TTC28: variants seen among roughly 807,000 people sequenced by gnomAD.
TTC28 encodes tetratricopeptide repeat domain 28.
Under a neutral mutation model 198.0 loss-of-function variants are expected in TTC28, and 61 were observed. The ratio of observed to expected loss-of-function variants is 0.31; its 90% CI spans 0.25 to 0.38. The LOEUF (loss-of-function observed/expected upper bound fraction) is 0.38. Ranked by LOEUF, TTC28 falls within the 10% of genes least tolerant of loss-of-function variation. The pLI is 1.00. For missense variants in TTC28, 2,678 were observed against 3,164.0 expected, an observed-to-expected ratio of 0.85 and a Z score of 3.69; for synonymous variants, 1,171 against 1,297.8, an observed-to-expected ratio of 0.90 and a Z score of 2.10.
Position 28,096,398 on chromosome 22 carries a change from A to C in TTC28, c.3558T>G (p.Asp1186Glu). Reference protein sequence around the residue: ...QRVLVSLGHHDEALAVAERGR... With the variant: ...QRVLVSLGHHEEALAVAERGR... ...CCCTTTCTGCCACAGCCAGGGCTTC[A>C]TCATGATGGCCTAGGAGACAAAGAG... The change falls in exon 11 of 23, where the codon GAT becomes GAG. Residue 1186 changes from aspartate (D) to glutamate (E), a missense_variant. Coordinates refer to ENST00000397906, the MANE Select transcript of TTC28 (RefSeq NM_001145418.2). The C allele has an allele frequency of 6.4e-7, 1 of 1,551,260 alleles. No homozygotes were observed. The highest frequency in any genetic ancestry group is 8.7e-7 in the Non-Finnish European group (1 of 1,147,024).
At chr22:28,238,371 A>G (rs568753544) in intron 5 of TTC28, among the ~76,000 whole-genome samples, 7 of 152,264 alleles carry the variant, frequency 4.6e-5, no homozygotes, top group Admixed American at 3.9e-4. Context: ...AAGCCCATCC[A>G]GTCATTTTTC....
chr22:28,133,033 G>A (rs1308115924), intron 6 of TTC28, among the ~76,000 whole-genome samples: 4 of 152,188 alleles, frequency 2.6e-5, no homozygotes. Context: ...AGACCACCTG[G>A]CCAACATGGT....
intron 15 of TTC28, 123 bp from the exon 16 acceptor site, chr22:27,999,383 C>T: frequency 1.5e-6 from 2 of 1,354,690 alleles, no homozygotes; most frequent in Admixed American, 2.9e-5. Context: ...CACCTGTTTC[C>T]CCAGTCACCA....
rs11362041 is a variant in TTC28, at chr22:28,043,242, C to CAAAAAAAAAAAAAAAAAAAAAA, written c.3933-12898_3933-12877dup. Among the ~76,000 whole-genome samples the CAAAAAAAAAAAAAAAAAAAAAA allele has an allele frequency of 2.9e-4, 19 of 65,568 alleles. 1 individual carries two copies. Among genetic ancestry groups the CAAAAAAAAAAAAAAAAAAAAAA allele is most frequent in the Non-Finnish European group, 3.7e-4 (13 of 35,432 alleles). The allele number at this position is 65,568 out of a possible 152,430, so 43.0% of individuals were successfully genotyped here. A position where few individuals can be genotyped will look rare whatever the true frequency, so the allele number is the denominator to read the frequency against. On this transcript the variant is annotated intron_variant, in intron 12 of 22. Transcript: ENST00000397906. ...TGCATAACAGAGTAAGACTCCATCT[C>CAAAAAAAAAAAAAAAAAAAAAA]AAAAAAAAAAAAAAAAAAAAAAAAA...
intron 12 of TTC28, among the ~76,000 whole-genome samples, chr22:28,088,181 C>G (rs1469130599): frequency 6.6e-6 from 1 of 152,160 alleles, no homozygotes; most frequent in Non-Finnish European, 1.5e-5. Context: ...TCATATGGCA[C>G]CAAAAAAGAG....
At chr22:28,339,147 CCT>C (rs1244868877) in intron 2 of TTC28, among the ~76,000 whole-genome samples, 1 of 152,126 alleles carries the variant, frequency 6.6e-6, no homozygotes, top group East Asian at 1.9e-4. Flanking sequence ...CACTCCAGGC[CCT>C]GTTTGCCTGG....
chr22:28,616,553 T>C (rs898318339), intron 2 of TTC28, among the ~76,000 whole-genome samples: 2 of 152,192 alleles, frequency 1.3e-5, no homozygotes, highest in African/African-American at 2.4e-5. Flanking sequence ...TACCTGATGA[T>C]AGAATTCTGT....
intron 2 of TTC28, among the ~76,000 whole-genome samples, chr22:28,533,391 A>G (rs1245607385): frequency 2.6e-5 from 4 of 152,084 alleles, no homozygotes; most frequent in African/African-American, 4.8e-5. Flanking sequence ...ACAAATGACC[A>G]CTCAATGAAA....
chr22:28,001,332 G>A (rs779974826), intron 15 of TTC28, 42 bp downstream of exon 15: 22 of 1,525,054 alleles, frequency 1.4e-5, no homozygotes, highest in South Asian at 9.6e-5. Flanking sequence ...CTCGTGACCC[G>A]AAAACAAGCC....
Position 28,280,322 on chromosome 22 carries a change from T to TA in TTC28, c.933+15875dup, listed in dbSNP as rs928705960. Among the ~76,000 whole-genome samples, 43 of 149,164 alleles carry TA rather than the reference T, an allele frequency of 2.9e-4. No homozygotes were observed. In the South Asian group the frequency reaches 4.5e-3, roughly 16 times the overall value. ...TTTAAAAAATTAAAAAAGAAAAAAG[T>TA]AAAAAAAAAAATTTTTTTTTTGAGA... On this transcript the variant is annotated intron_variant, in intron 5 of 22. Transcript: ENST00000397906.
chr22:28,105,209 G>C (rs1268984137), intron 8 of TTC28, 70 bp downstream of exon 8: 1 of 1,479,884 alleles, frequency 6.8e-7, no homozygotes, highest in African/African-American at 1.4e-5. Flanking sequence ...ACTTCCCTCT[G>C]AGTCTTGAGT....
chr22:28,209,635 C>T (rs1926732146), intron 5 of TTC28, among the ~76,000 whole-genome samples: 1 of 152,160 alleles, frequency 6.6e-6, no homozygotes, highest in South Asian at 2.1e-4. Flanking sequence ...ACAAAGCTGC[C>T]CAGAAGCTCG....
At chr22:28,430,197 A>G (rs2146199587) in intron 2 of TTC28, among the ~76,000 whole-genome samples, 1 of 152,272 alleles carries the variant, frequency 6.6e-6, no homozygotes, top group African/African-American at 2.4e-5. Context: ...TTCACACGCT[A>G]TGAGTAGAGC....
At chr22:27,996,353 C>T in intron 16 of TTC28, 94 bp from the exon 17 acceptor site, 5 of 1,486,126 alleles carry the variant, frequency 3.4e-6, no homozygotes, top group Non-Finnish European at 3.6e-6. Context: ...CGAGGTTAAC[C>T]CAGCAGAAAG....
At chr22:28,491,278 G>A (rs963658006) in intron 2 of TTC28, among the ~76,000 whole-genome samples, 2 of 152,150 alleles carry the variant, frequency 1.3e-5, no homozygotes, top group African/African-American at 4.8e-5. Context: ...TTAAACTAAA[G>A]AGCTTCTGCA....
intron 2 of TTC28, among the ~76,000 whole-genome samples, chr22:28,383,781 T>C (rs77128842): frequency 0.016 from 2,457 of 152,334 alleles, 87 homozygotes; most frequent in African/African-American, 0.057. Context: ...CCAATTGGAA[T>C]TGGCCTCATG....
intron 5 of TTC28, among the ~76,000 whole-genome samples, chr22:28,184,450 T>C (rs1381858599): frequency 6.6e-6 from 1 of 152,164 alleles, no homozygotes; most frequent in Non-Finnish European, 1.5e-5. Context: ...TGCAAGCGCA[T>C]AAATATTCCT....
chr22:28,496,014 T>C (rs939911284), intron 2 of TTC28, among the ~76,000 whole-genome samples: 1 of 152,170 alleles, frequency 6.6e-6, no homozygotes, highest in Non-Finnish European at 1.5e-5. Context: ...AGCAGCATCT[T>C]ATAGGCTCAT....
intron 2 of TTC28, among the ~76,000 whole-genome samples, chr22:28,573,121 C>CAA (rs34470620): frequency 2.2e-4 from 17 of 78,602 alleles, no homozygotes; most frequent in African/African-American, 3.2e-4. Context: ...GACCATGTCT[C>CAA]AAAAAAAAAA....
Sources: allele counts gnomAD v4.1 joint callset (sites outside exome capture counted in the v4.1 genomes callset), GRCh38; gene constraint gnomAD v4.1.1; transcripts MANE v1.5; gene names NCBI Gene and HGNC (gene_info 2026-07-23, HGNC 2026-07-21).